STRN4: variants seen among roughly 807,000 people sequenced by gnomAD.
The protein encoded by STRN4 is striatin 4.
Under a neutral mutation model 77.9 loss-of-function variants are expected in STRN4, and 27 were observed. The ratio of observed to expected loss-of-function variants is 0.35; its 90% CI spans 0.26 to 0.48. The LOEUF is 0.48. Ranked by LOEUF, STRN4 falls within the 20% of genes least tolerant of loss-of-function variation. The pLI is 0.99. For synonymous variants in STRN4, 466 were observed against 443.1 expected, an observed-to-expected ratio of 1.05 and a Z score of -0.65; for missense variants, 798 against 1,049.7, an observed-to-expected ratio of 0.76 and a Z score of 3.31.
chr19:46,725,659 G>A lies in STRN4; in HGVS notation c.1249-11C>T, dbSNP rs2054094017. 3.1e-6 allele frequency: 5 copies of A among 1,612,628 alleles called. No individual in the cohort carries two copies. Among genetic ancestry groups the A allele is most frequent in the African/African-American group, 1.3e-5 (1 of 74,900 alleles). On this transcript the variant is annotated splice_polypyrimidine_tract_variant and intron_variant, in intron 9 of 17. Coordinates refer to ENST00000263280, the MANE Select transcript of STRN4 (RefSeq NM_013403.3). ...TTTGCTGTCAGACAGCTGGGGTTGG[G>A]GGGAGCTGCCTCAGTGTCTTCGCAT...
chr19:46,727,669 G>C (rs1462781415), intron 8 of STRN4, 123 bp from the exon 9 acceptor site: 1 of 835,930 alleles, frequency 1.2e-6, no homozygotes, highest in Admixed American at 2.2e-5. Context: ...GAGACGGGGA[G>C]AGGACAAGAT....
chr19:46,730,988 C>G (rs1183196534), intron 5 of STRN4, 115 bp from the exon 6 acceptor site: 1 of 1,447,570 alleles, frequency 6.9e-7, no homozygotes, highest in Non-Finnish European at 9.3e-7. Flanking sequence ...AACCCCCTAA[C>G]CCCTGAGCAG....
At chr19:46,735,648 CA>C (rs1452942359) in intron 4 of STRN4, among the ~76,000 whole-genome samples, 186 of 152,260 alleles carry the variant, frequency 1.2e-3, no homozygotes, top group South Asian at 1.0e-3. Flanking sequence ...CTAAAATGCA[CA>C]AATCTCTTCA....
chr19:46,734,586 C>T (rs898236384), intron 4 of STRN4, among the ~76,000 whole-genome samples: 2 of 152,112 alleles, frequency 1.3e-5, no homozygotes, highest in Non-Finnish European at 2.9e-5. Context: ...TTTTTTTCCT[C>T]CATAGGACCA....
Position 46,737,437 on chromosome 19 carries a change from G to A in STRN4, c.461-536C>T, listed in dbSNP as rs73058691. Among the ~76,000 whole-genome samples the A allele has an allele frequency of 3.3e-5, 5 of 152,310 alleles. No homozygotes were observed. In the South Asian group the frequency reaches 8.3e-4, roughly 25 times the overall value. Reference sequence around the variant, plus strand: ...AAAGACCTGCCCTTGTGGAACTTCCGTTCTAGTGAGAGGAGCTGGCAGCAG... The same window carrying A: ...AAAGACCTGCCCTTGTGGAACTTCCATTCTAGTGAGAGGAGCTGGCAGCAG... On this transcript the variant is annotated intron_variant, in intron 3 of 17. Coordinates refer to ENST00000263280, the MANE Select transcript of STRN4 (RefSeq NM_013403.3).
intron 1 of STRN4, 86 bp downstream of exon 1, chr19:46,746,063 T>G: frequency 3.6e-6 from 4 of 1,125,684 alleles, no homozygotes; most frequent in Non-Finnish European, 4.5e-6. Context: ...CGGCCATTGC[T>G]CCAAGATGGC....
intron 3 of STRN4, 44 bp from the exon 4 acceptor site, chr19:46,736,945 C>T (rs756617008): frequency 1.3e-6 from 2 of 1,593,834 alleles, no homozygotes; most frequent in Middle Eastern, 1.7e-4. Context: ...CAGGCCACTG[C>T]CACCTACCCA....
Position 46,721,790 on chromosome 19 carries a change from C to T in STRN4, c.2092+196G>A, listed in dbSNP as rs960648482. ...CAGGCTGCTTAGAGGCCGAATGAGA[C>T]GATGCAGCTCCAGTGACCCAGAGGA... is the stretch of plus-strand genomic sequence containing the variant. On this transcript the variant is annotated intron_variant, in intron 16 of 17. Transcript: ENST00000263280. 27 of 580,972 alleles carry T rather than the reference C, an allele frequency of 4.6e-5. No homozygotes were observed. The Middle Eastern group carries it at 1.7e-3, about 37-fold the overall frequency. The allele number at this position is 580,972 out of a possible 1,614,324, so 36.0% of individuals were successfully genotyped here. A position where few individuals can be genotyped will look rare whatever the true frequency, so the allele number is the denominator to read the frequency against.
At position 46,746,388 on chromosome 19, in the gene STRN4, AGGC is replaced by A. The variant is rs1434686470; in HGVS notation, c.40_42del (p.Ala14del). The A allele has an allele frequency of 2.8e-6, 3 of 1,064,716 alleles. No individual in the cohort carries two copies. The highest frequency in any genetic ancestry group is 6.3e-5 in the East Asian group (1 of 15,920). The allele number at this position is 1,064,716 out of a possible 1,614,324, so 66.0% of individuals were successfully genotyped here. A position where few individuals can be genotyped will look rare whatever the true frequency, so the allele number is the denominator to read the frequency against. On this transcript the variant is annotated inframe_deletion, in exon 1 of 18. Coordinates refer to ENST00000263280, the MANE Select transcript of STRN4 (RefSeq NM_013403.3). ...CCTGAGCCGAGCGGACGGCAGGAGG[AGGC>A]GGCGGCGGCGACCGCGGCGGCCGCT... is the stretch of plus-strand genomic sequence containing the variant.
intron 8 of STRN4, 126 bp downstream of exon 8, chr19:46,727,768 G>T: frequency 1.1e-6 from 1 of 906,036 alleles, no homozygotes; most frequent in Non-Finnish European, 1.6e-6. Context: ...GAACTTTTGG[G>T]GCAGGGAGGC....
rs375054048 is a variant in STRN4, at chr19:46,722,946, G to A, written c.1770C>T (p.His590=). 14 of 1,613,802 alleles carry A rather than the reference G, an allele frequency of 8.7e-6. No individual in the cohort carries two copies. Among genetic ancestry groups the A allele is most frequent in the Admixed American group, 3.3e-5 (2 of 60,032 alleles). Residue 590 remains histidine, a synonymous_variant, in exon 14 of 18, where the codon CAC becomes CAT. Transcript: ENST00000263280. ...CLCTFPTASE[H]GVPTSVAFTS... ...TGAAGGCCACTGAGGTGGGGACCCCGTGCTCTGAGGGCACAGGGAAGAGAA... is the reference window on the plus strand; with the variant it reads ...TGAAGGCCACTGAGGTGGGGACCCCATGCTCTGAGGGCACAGGGAAGAGAA...
intron 14 of STRN4, 95 bp downstream of exon 14, chr19:46,722,715 T>C (rs1599857950): frequency 6.4e-7 from 1 of 1,553,802 alleles, no homozygotes; most frequent in East Asian, 2.3e-5. Context: ...GGGAGTCATC[T>C]GAGCTGACTG....
chr19:46,721,905 T>C, intron 16 of STRN4, 81 bp downstream of exon 16: 1 of 1,541,608 alleles, frequency 6.5e-7, no homozygotes, highest in African/African-American at 1.4e-5. Flanking sequence ...CGGGGCCCCC[T>C]GAGCACTTGC....
At chr19:46,735,079 G>A (rs547310694) in intron 4 of STRN4, among the ~76,000 whole-genome samples, 97 of 152,252 alleles carry the variant, frequency 6.4e-4, no homozygotes, top group Admixed American at 1.2e-3. Context: ...GCCAAGGCAG[G>A]TGGATCACTT....
intron 4 of STRN4, among the ~76,000 whole-genome samples, chr19:46,735,189 C>A (rs1166935745): frequency 6.6e-6 from 1 of 151,958 alleles, no homozygotes; most frequent in African/African-American, 2.4e-5. Context: ...ACCTGTAATC[C>A]CAGCTACTTG....
At chr19:46,742,950 G>C (rs2054499942) in intron 1 of STRN4, among the ~76,000 whole-genome samples, 1 of 152,210 alleles carries the variant, frequency 6.6e-6, no homozygotes, top group South Asian at 2.1e-4. Flanking sequence ...TCTCACTGCA[G>C]CCATGTCTGA....
chr19:46,721,882 C>G (rs921258949), intron 16 of STRN4, 104 bp downstream of exon 16: 4 of 1,290,764 alleles, frequency 3.1e-6, no homozygotes, highest in African/African-American at 1.5e-5. Flanking sequence ...CAGCCTCCCC[C>G]AGCCCTGGCC....
At chr19:46,744,081 C>T (rs1346755279) in intron 1 of STRN4, among the ~76,000 whole-genome samples, 1 of 151,900 alleles carries the variant, frequency 6.6e-6, no homozygotes, top group Non-Finnish European at 1.5e-5. Context: ...CAGAATGCTG[C>T]AAGAATTAAA....
intron 4 of STRN4, among the ~76,000 whole-genome samples, chr19:46,734,809 C>T (rs1425621639): frequency 1.3e-5 from 2 of 152,074 alleles, no homozygotes; most frequent in African/African-American, 2.4e-5. Flanking sequence ...GGACTACAGG[C>T]ACCCGCCACC....
Sources: gnomAD v4.1 joint callset for allele counts (sites outside exome capture counted in the v4.1 genomes callset) on GRCh38, gnomAD v4.1.1 for gene constraint, MANE v1.5 for transcripts, NCBI Gene and HGNC (gene_info 2026-07-23, HGNC 2026-07-21) for gene names.